GTSF1: variants seen among roughly 807,000 people sequenced by gnomAD.
The protein encoded by GTSF1 is gametocyte-specific factor 1.
GTSF1 carries 11 observed loss-of-function variants against 28.9 expected under a neutral mutation model. The ratio of observed to expected loss-of-function variants is 0.38; its 90% CI spans 0.24 to 0.63. GTSF1 has a LOEUF of 0.63. Among genes scored for constraint, GTSF1 ranks in the 30% least tolerant of loss-of-function variants. The pLI is 0.56. For missense variants in GTSF1, 146 were observed against 201.0 expected (o/e 0.73, Z 1.66); for synonymous variants, 69 against 65.6 (o/e 1.05, Z -0.25).
At chr12:54,460,544 T>C in intron 6 of GTSF1, 73 bp from the exon 7 acceptor site, 1 of 989,938 alleles carries the variant, frequency 1.0e-6, no homozygotes, top group Non-Finnish European at 1.6e-6. Flanking sequence ...ATAATCAAAA[T>C]GTGTTTTTTG....
chr12:54,463,911 A>T (rs1956466380), intron 3 of GTSF1, among the ~76,000 whole-genome samples: 1 of 152,214 alleles, frequency 6.6e-6, no homozygotes, highest in Admixed American at 6.5e-5. Flanking sequence ...AACCCAAATG[A>T]TAGAGTCTAC....
At chr12:54,470,161 G>A (rs1229039778) in intron 2 of GTSF1, among the ~76,000 whole-genome samples, 1 of 151,310 alleles carries the variant, frequency 6.6e-6, no homozygotes, top group African/African-American at 2.4e-5. Flanking sequence ...GGGTGACAGA[G>A]CAAGACTCTG....
chr12:54,459,483 T>C, intron 7 of GTSF1: 1 of 1,294,818 alleles, frequency 7.7e-7, no homozygotes, highest in Non-Finnish European at 1.0e-6. Context: ...AGAAAGTTTG[T>C]ATTAAGTAAA....
Position 54,462,159 on chromosome 12 carries a change from C to T in GTSF1, c.342G>A (p.Gln114=), listed in dbSNP as rs766370506. The T allele has an allele frequency of 6.8e-6, 11 of 1,613,278 alleles. No homozygotes were observed. The highest frequency in any genetic ancestry group is 2.5e-6 in the Non-Finnish European group (3 of 1,179,446). ...DEDWDKDLWE[Q]TSTPFVWGTT... is the part of the protein sequence containing the mutation. ...TGCCCCAGACAAATGGGGTGCTGGT[C>T]TGCTCCCACAAATCTGTTAAAGGAA... is the stretch of plus-strand genomic sequence containing the variant. Residue 114 remains glutamine, a synonymous_variant, in exon 6 of 9, where the codon CAG becomes CAA. Transcript: ENST00000305879.
chr12:54,459,099 A>C lies in GTSF1; in HGVS notation c.*10T>G, dbSNP rs755345968. 1 of 1,600,448 alleles carries C rather than the reference A, an allele frequency of 6.2e-7. No individual in the cohort carries two copies. The highest frequency in any genetic ancestry group is 1.1e-5 in the South Asian group (1 of 89,534). ...AACTGAAACACTTACTTGATGAGAT[A>C]GGTATTCAGTTACTGTGCATTTCCA... On this transcript the variant is annotated 3_prime_UTR_variant, in exon 8 of 9. Coordinates refer to ENST00000305879, the MANE Select transcript of GTSF1 (RefSeq NM_144594.3).
chr12:54,467,549 AG>A (rs1464426483), intron 2 of GTSF1, among the ~76,000 whole-genome samples: 4 of 152,048 alleles, frequency 2.6e-5, no homozygotes, highest in African/African-American at 9.7e-5. Context: ...TCCTGACCTC[AG>A]GTGATCCACC....
At chr12:54,466,226 C>A (rs1956510813) in intron 2 of GTSF1, among the ~76,000 whole-genome samples, 1 of 152,186 alleles carries the variant, frequency 6.6e-6, no homozygotes, top group Non-Finnish European at 1.5e-5. Flanking sequence ...AGACAAGAGG[C>A]AACCTAATAA....
At chr12:54,456,186 T>C (rs1956327232) in intron 8 of GTSF1, 33 bp from the exon 9 acceptor site, 1 of 152,296 alleles carries the variant, frequency 6.6e-6, no homozygotes, top group Admixed American at 6.6e-5. Context: ...AAGTTCTTAG[T>C]TTTTTTCAAT....
chr12:54,469,661 C>T (rs1164432753), intron 2 of GTSF1, among the ~76,000 whole-genome samples: 1 of 137,382 alleles, frequency 7.3e-6, no homozygotes, highest in Non-Finnish European at 1.5e-5. Flanking sequence ...GCACTCCATC[C>T]TGGGTGACAG....
chr12:54,457,520 T>C (rs1362104199), intron 8 of GTSF1, among the ~76,000 whole-genome samples: 1 of 152,218 alleles, frequency 6.6e-6, no homozygotes, highest in Non-Finnish European at 1.5e-5. Context: ...GCTCAAGCAA[T>C]CCCCCTGTCT....
At chr12:54,468,391 G>T (rs1956550503) in intron 2 of GTSF1, among the ~76,000 whole-genome samples, 1 of 152,196 alleles carries the variant, frequency 6.6e-6, no homozygotes. Flanking sequence ...AAAGTGGTGG[G>T]ATTACAGGCA....
chr12:54,460,610 C>T, intron 6 of GTSF1, 139 bp from the exon 7 acceptor site: 1 of 625,312 alleles, frequency 1.6e-6, no homozygotes, highest in Non-Finnish European at 2.8e-6. Flanking sequence ...ACATTTCCAT[C>T]AAAACGTTCC....
chr12:54,459,696 A>T, intron 7 of GTSF1: 1 of 189,172 alleles, frequency 5.3e-6, no homozygotes, highest in Non-Finnish European at 1.1e-5. Flanking sequence ...CCAATTTCTG[A>T]TCCCAATTCC....
chr12:54,462,755 G>A (rs773765652), intron 4 of GTSF1, 30 bp from the exon 5 acceptor site: 1 of 1,561,496 alleles, frequency 6.4e-7, no homozygotes. Flanking sequence ...GGATATAAGA[G>A]GGGGATATTG....
intron 6 of GTSF1, among the ~76,000 whole-genome samples, chr12:54,461,744 C>A (rs2120745662): frequency 6.6e-6 from 1 of 152,230 alleles, no homozygotes; most frequent in East Asian, 1.9e-4. Flanking sequence ...TTTAAGACTG[C>A]TTTTTCCTAT....
chr12:54,456,039 A>G lies in GTSF1; in HGVS notation c.*135T>C, dbSNP rs766635328. 6.5e-6 allele frequency: 1 copy of G among 152,742 alleles called. No homozygotes were observed. The highest frequency in any genetic ancestry group is 2.1e-4 in the South Asian group (1 of 4,822). The allele number at this position is 152,742 out of a possible 1,614,324, so 9.5% of individuals were successfully genotyped here. On this transcript the variant is annotated 3_prime_UTR_variant, in exon 9 of 9. Coordinates refer to ENST00000305879, the MANE Select transcript of GTSF1 (RefSeq NM_144594.3). ...TGAGGATTCAAGGGGGGAGGAAAAA[A>G]GTGTGCTTGTCAGTTTGGAAAGTCA... is the stretch of plus-strand genomic sequence containing the variant.
intron 7 of GTSF1, 74 bp from the exon 8 acceptor site, chr12:54,459,199 C>A (rs1167477399): frequency 6.6e-7 from 1 of 1,505,056 alleles, no homozygotes; most frequent in African/African-American, 1.4e-5. Context: ...TCTTACTAAA[C>A]ACAAATGACT....
At chr12:54,462,534 A>C in intron 5 of GTSF1, 108 bp downstream of exon 5, 1 of 885,810 alleles carries the variant, frequency 1.1e-6, no homozygotes, top group South Asian at 1.6e-5. Context: ...ATAATAAGGC[A>C]TTCTGAACAA....
chr12:54,464,803 G>C (rs1041630013), intron 3 of GTSF1: 3 of 218,460 alleles, frequency 1.4e-5, no homozygotes, highest in Non-Finnish European at 2.8e-5. Flanking sequence ...AAATTAGTCT[G>C]TTTTACAAAG....
Sources: allele counts gnomAD v4.1 joint callset (sites outside exome capture counted in the v4.1 genomes callset), GRCh38; gene constraint gnomAD v4.1.1; transcripts MANE v1.5; gene names NCBI Gene and HGNC (gene_info 2026-07-23, HGNC 2026-07-21).